Variants in GSTK1 observed in about 807,000 individuals in gnomAD.
GSTK1 encodes the protein GST class-kappa.
GSTK1 carries 25 observed loss-of-function variants against 30.9 expected under a neutral mutation model. That is an observed-to-expected ratio of 0.81 (90% CI 0.59 to 1.13). The LOEUF is 1.13. Among genes scored for constraint, GSTK1 ranks in the 50% most tolerant of loss-of-function variants. The pLI, the probability that GSTK1 is intolerant of heterozygous loss-of-function variation, is 0.00. For missense variants in GSTK1, 292 were observed against 292.4 expected, an observed-to-expected ratio of 1.00 and a Z score of 0.01; for synonymous variants, 108 against 112.5, an observed-to-expected ratio of 0.96 and a Z score of 0.25.
Position 143,267,659 on chromosome 7 carries a change from C to A in GSTK1, c.463C>A (p.Leu155Ile), listed in dbSNP as rs1292366087. ...AGMSAEQAQG[L>I]LEKIATPKVK... is the part of the protein sequence containing the mutation. ...TATGTCTGCAGAACAAGCCCAGGGA[C>A]TTCTGGAAAAGATCGCAACGCCAAA... Residue 155 changes from leucine to isoleucine, a missense_variant, in exon 6 of 8, where the codon CTT (leucine) becomes ATT (isoleucine). Leu to Ile is a conservative substitution (Grantham distance 5). Coordinates refer to ENST00000358406, the MANE Select transcript of GSTK1 (RefSeq NM_015917.3). 6.2e-7 allele frequency: 1 copy of A among 1,614,072 alleles called. No homozygotes were observed. The highest frequency in any genetic ancestry group is 1.3e-5 in the African/African-American group (1 of 74,926).
rs758006264 is a variant in GSTK1, at chr7:143,268,219, G to A, written c.631+35G>A. ...TTAAAGAATCAACCCTGAGCCAGGT[G>A]CAGTGGCTCACGCCTGTAATCCCAG... is the stretch of plus-strand genomic sequence containing the variant. On this transcript the variant is annotated intron_variant, in intron 7 of 7. Transcript: ENST00000358406. This position sits in a 1 kb window ranked among gnomAD's most constrained non-coding sequence, Gnocchi z 4.1. The A allele has an allele frequency of 6.6e-7, 1 of 1,522,484 alleles. No homozygotes were observed. The highest frequency in any genetic ancestry group is 1.1e-5 in the South Asian group (1 of 87,726). The allele number at this position is 1,522,484 out of a possible 1,614,324, so 94.3% of individuals were successfully genotyped here.
chr7:143,266,701 ACCC>A (rs1800891463), intron 5 of GSTK1, among the ~76,000 whole-genome samples: 1 of 109,096 alleles, frequency 9.2e-6, no homozygotes, highest in Non-Finnish European at 1.7e-5. Context: ...TTGCTTTGTC[ACCC>A]AGGCTGGGGT....
intron 5 of GSTK1, among the ~76,000 whole-genome samples, chr7:143,266,890 G>A (rs1254621264): frequency 1.3e-5 from 2 of 151,644 alleles, no homozygotes; most frequent in East Asian, 3.9e-4. Flanking sequence ...CGAACTCCTG[G>A]GCTGAAGCAA....
rs1330986991 is a variant in GSTK1 at position 143,264,445 on chromosome 7, A to G, written c.155-103A>G. The G allele has an allele frequency of 1.5e-5, 18 of 1,188,494 alleles. No individual in the cohort carries two copies. In the East Asian group the frequency reaches 4.2e-4, roughly 28 times the overall value. 73.6% of individuals were successfully genotyped at this position (1,188,494 alleles called of 1,614,324 possible). ...GGCAACAAGAGCGAAACAACAAGAG[A>G]AAAAAAAGGAAGCTGCCCTCTGCCC... On this transcript the variant is annotated intron_variant, in intron 2 of 7. Coordinates refer to ENST00000358406, the MANE Select transcript of GSTK1 (RefSeq NM_015917.3).
In GSTK1 at chr7:143,264,091, G is replaced by A. The variant is rs776281346; in HGVS notation, c.78G>A (p.Leu26=). 9.3e-6 allele frequency: 15 copies of A among 1,613,824 alleles called. No homozygotes were observed. The highest frequency in any genetic ancestry group is 1.2e-5 in the Non-Finnish European group (14 of 1,179,896). ...TTCTTGACCTCTGCCCGCAGATCCT[G>A]TGCCGGTATCAGAATATCTGGAACA... ...SPYSWLGFEI[L]CRYQNIWNIN... is the part of the protein sequence containing the mutation. The change falls in exon 2 of 8, where the codon CTG becomes CTA. Residue 26 remains leucine, a synonymous_variant. Coordinates refer to ENST00000358406, the MANE Select transcript of GSTK1 (RefSeq NM_015917.3).
At position 143,264,569 on chromosome 7, in the gene GSTK1, T is replaced by C; in HGVS notation, c.176T>C (p.Leu59Pro). Reference sequence around the variant, plus strand: ...GCAGGAAACAAGCCTCCAGGTCTGCTTCCCCGCAAAGGACTATACATGGCA... The same window carrying C: ...GCAGGAAACAAGCCTCCAGGTCTGCCTCCCCGCAAAGGACTATACATGGCA... Reference protein sequence around the residue: ...KDSGNKPPGLLPRKGLYMAND... With the variant: ...KDSGNKPPGLPPRKGLYMAND... Residue 59 changes from leucine (L) to proline (P), a missense_variant, in exon 3 of 8, where the codon CTT becomes CCT. Physicochemically the swap from Leu to Pro is moderately conservative, Grantham distance 98. Transcript: ENST00000358406. 1 of 1,614,020 alleles carries C rather than the reference T, an allele frequency of 6.2e-7. No homozygotes were observed. Among genetic ancestry groups the C allele is most frequent in the South Asian group, 1.1e-5 (1 of 91,082 alleles).
In GSTK1 at chr7:143,268,319, C is replaced by T. The variant is rs1428605932; in HGVS notation, c.631+135C>T. 5.0e-5 allele frequency: 32 copies of T among 639,942 alleles called. No individual in the cohort carries two copies. Among genetic ancestry groups the T allele is most frequent in the Non-Finnish European group, 7.1e-5 (26 of 366,804 alleles). 39.6% of individuals were successfully genotyped at this position (639,942 alleles called of 1,614,324 possible). A position where few individuals can be genotyped will look rare whatever the true frequency, so the allele number is the denominator to read the frequency against. The stretch of plus-strand genomic sequence containing the variant: ...CATCCTGGCCAACATGGTGAAACCC[C>T]GTCTCTACTAAAAATATAAAAATTA... On this transcript the variant is annotated intron_variant, in intron 7 of 7. Transcript: ENST00000358406. This position sits in a 1 kb window ranked among gnomAD's most constrained non-coding sequence, Gnocchi z 4.1.
intron 6 of GSTK1, 94 bp from the exon 7 acceptor site, chr7:143,267,997 T>G (rs1249308697): frequency 1.0e-6 from 1 of 958,888 alleles, no homozygotes; most frequent in Admixed American, 2.2e-5. Context: ...TCTTTGCTTC[T>G]GTGAACTCAG....
At chr7:143,267,209 A>G (rs1444063747) in intron 5 of GSTK1, among the ~76,000 whole-genome samples, 2 of 152,342 alleles carry the variant, frequency 1.3e-5, no homozygotes, top group East Asian at 3.9e-4. Flanking sequence ...AGGAACTGTG[A>G]GAGGTAGGAA....
rs1437493012 is a variant in GSTK1 at position 143,267,748 on chromosome 7, A to G, written c.537+15A>G. 3 of 1,538,084 alleles carry G rather than the reference A, an allele frequency of 2.0e-6. No individual in the cohort carries two copies. Among genetic ancestry groups the G allele is most frequent in the Non-Finnish European group, 2.7e-6 (3 of 1,111,636 alleles). On this transcript the variant is annotated intron_variant, in intron 6 of 7. Coordinates refer to ENST00000358406, the MANE Select transcript of GSTK1 (RefSeq NM_015917.3). The stretch of plus-strand genomic sequence containing the variant: ...GCAGATACGGAGTGAGCAGCTCTTT[A>G]TGTGTGTTCCCAGCACCCATCCTGA...
rs1300577175 is a variant in GSTK1, at chr7:143,263,493, T to G, written c.-21T>G. The stretch of plus-strand genomic sequence containing the variant: ...CGGGAAAAGGAGCTCCTGCTGCCAC[T>G]GCTCTTCCGGAGCCTGCAGCATGGG... On this transcript the variant is annotated 5_prime_UTR_variant, in exon 1 of 8. Coordinates refer to ENST00000358406, the MANE Select transcript of GSTK1 (RefSeq NM_015917.3). 6.2e-7 allele frequency: 1 copy of G among 1,606,892 alleles called. No homozygotes were observed.
Position 143,265,035 on chromosome 7 carries a change from G to A in GSTK1, c.327G>A (p.Glu109=). Residue 109 remains glutamate (E), a synonymous_variant, in exon 4 of 8, where the codon GAG becomes GAA. Coordinates refer to ENST00000358406, the MANE Select transcript of GSTK1 (RefSeq NM_015917.3). The part of the protein sequence containing the change: ...AMRFLTAVNL[E]HPEMLEKASR... ...GTTTCCTCACCGCCGTGAACTTGGA[G>A]CATCCAGAGATGCTGGAGAAAGCGT... 6.2e-7 allele frequency: 1 copy of A among 1,614,178 alleles called. No individual in the cohort carries two copies. Among genetic ancestry groups the A allele is most frequent in the Non-Finnish European group, 8.5e-7 (1 of 1,180,028 alleles).
chr7:143,263,644 G>A lies in GSTK1; in HGVS notation c.72+59G>A, dbSNP rs571548009. On this transcript the variant is annotated intron_variant, in intron 1 of 7. Coordinates refer to ENST00000358406, the MANE Select transcript of GSTK1 (RefSeq NM_015917.3). The stretch of plus-strand genomic sequence containing the variant: ...GGGGAGTGAGGGCGGAGGGAAGAGT[G>A]AGCGCAGGGCTCCGGGACAGAGGTC... The A allele has an allele frequency of 8.0e-6, 12 of 1,497,450 alleles. 1 individual carries two copies. The Admixed American group carries it at 2.0e-4, about 25-fold the overall frequency. The allele number at this position is 1,497,450 out of a possible 1,614,324, so 92.8% of individuals were successfully genotyped here.
At chr7:143,264,210 A>T in intron 2 of GSTK1, 43 bp downstream of exon 2, 1 of 1,541,984 alleles carries the variant, frequency 6.5e-7, no homozygotes, top group South Asian at 1.1e-5. Flanking sequence ...CAGTGGCCCA[A>T]GAGAGCCGAC....
Position 143,268,273 on chromosome 7 carries a change from A to C in GSTK1, c.631+89A>C. 1.1e-6 allele frequency: 1 copy of C among 942,094 alleles called. No individual in the cohort carries two copies. The highest frequency in any genetic ancestry group is 1.6e-6 in the Non-Finnish European group (1 of 606,528). 58.4% of individuals were successfully genotyped at this position (942,094 alleles called of 1,614,324 possible). On this transcript the variant is annotated intron_variant, in intron 7 of 7. Transcript: ENST00000358406. This position sits in a 1 kb window ranked among gnomAD's most constrained non-coding sequence, Gnocchi z 4.1. The stretch of plus-strand genomic sequence containing the variant: ...TTTGGTAGGCTGAGGCGAGCAGAGC[A>C]CGAGTTCAGGAGATTAAGACCATCC...
At chr7:143,264,467 G>A in intron 2 of GSTK1, 81 bp from the exon 3 acceptor site, 1 of 1,468,474 alleles carries the variant, frequency 6.8e-7, no homozygotes, top group Non-Finnish European at 9.4e-7. Flanking sequence ...GCTGCCCTCT[G>A]CCCAAAACCC....
Position 143,265,104 on chromosome 7 carries a change from GCTCTGGGAATC to G in GSTK1, c.384+21_384+31del. On this transcript the variant is annotated intron_variant, in intron 4 of 7. Transcript: ENST00000358406. ...GCGTCTGGTCAAGGGTGAGTGTGGG[GCTCTGGGAATC>G]CTCTGGGAGGACCTTGGATGACTTT... The G allele has an allele frequency of 6.2e-7, 1 of 1,614,148 alleles. No homozygotes were observed. Among genetic ancestry groups the G allele is most frequent in the South Asian group, 1.1e-5 (1 of 91,072 alleles).
rs549568788 is a variant in GSTK1 at position 143,266,403 on chromosome 7, GT to G, written c.420+1111del. 3.9e-5 allele frequency among the ~76,000 whole-genome samples: 6 copies of G among 151,984 alleles called. No individual in the cohort carries two copies. The South Asian group carries it at 1.2e-3, about 32-fold the overall frequency. On this transcript the variant is annotated intron_variant, in intron 5 of 7. Coordinates refer to ENST00000358406, the MANE Select transcript of GSTK1 (RefSeq NM_015917.3). ...GGTTCCACTGAGTGGACTTATTTTT[GT>G]TTTGCTTAACCATTTTTCTGTGGTT...
In GSTK1 at chr7:143,268,648, C is replaced by A; in HGVS notation, c.632-140C>A. ...GAGTGGGCAGGGGCTGTCTTCAACCCCATAAAAGAAAAGGAAGCCTTCTAT... is the reference window on the plus strand; with the variant it reads ...GAGTGGGCAGGGGCTGTCTTCAACCACATAAAAGAAAAGGAAGCCTTCTAT... On this transcript the variant is annotated intron_variant, in intron 7 of 7. Transcript: ENST00000358406. This position sits in a 1 kb window ranked among gnomAD's most constrained non-coding sequence, Gnocchi z 4.1. 1 of 694,206 alleles carries A rather than the reference C, an allele frequency of 1.4e-6. No homozygotes were observed. The highest frequency in any genetic ancestry group is 2.5e-6 in the Non-Finnish European group (1 of 393,672). The allele number at this position is 694,206 out of a possible 1,614,324, so 43.0% of individuals were successfully genotyped here.
Sources: allele counts gnomAD v4.1 joint callset (sites outside exome capture counted in the v4.1 genomes callset), GRCh38; gene constraint gnomAD v4.1.1; non-coding constraint Gnocchi (gnomAD v3.1); transcripts MANE v1.5; gene names NCBI Gene and HGNC (gene_info 2026-07-23, HGNC 2026-07-21).